Variants in SGCD observed in about 807,000 individuals in gnomAD.
SGCD encodes the protein delta-sarcoglycan.
Under a neutral mutation model 36.6 loss-of-function variants are expected in SGCD, and 18 were observed. The observed-to-expected ratio is 0.49, with a 90% CI of 0.34 to 0.73. The LOEUF (loss-of-function observed/expected upper bound fraction) is 0.73, where lower values mean the gene tolerates loss of function less well. Among genes scored for constraint, SGCD ranks in the 30% least tolerant of loss-of-function variants. SGCD has a pLI of 0.01. For missense variants in SGCD, 387 were observed against 346.7 expected, an observed-to-expected ratio of 1.12 and a Z score of -0.92; for synonymous variants, 133 against 130.6, an observed-to-expected ratio of 1.02 and a Z score of -0.12.
chr5:155,849,422 C>T, the SGCD span, among the ~76,000 whole-genome samples: 1 of 150,696 alleles, frequency 6.6e-6, no homozygotes, highest in African/African-American at 2.4e-5. Flanking sequence ...CCACCCCCCT[C>T]CACACACACA....
intron 3 of SGCD, among the ~76,000 whole-genome samples, chr5:156,488,606 CTG>C (rs1755808431): frequency 6.6e-6 from 1 of 152,060 alleles, no homozygotes; most frequent in African/African-American, 2.4e-5. Flanking sequence ...AAAGCAAAAA[CTG>C]AGGAAATTCA....
chr5:156,407,129 C>T (rs1385741025), intron 3 of SGCD, among the ~76,000 whole-genome samples: 1 of 152,044 alleles, frequency 6.6e-6, no homozygotes, highest in African/African-American at 2.4e-5. Flanking sequence ...CCTTCCCCAG[C>T]CCACTGACTC....
At chr5:156,594,874 T>C in intron 5 of SGCD, 58 bp from the exon 6 acceptor site, 1 of 1,175,430 alleles carries the variant, frequency 8.5e-7, no homozygotes, top group Non-Finnish European at 1.2e-6. Context: ...CTAATGGTGT[T>C]TTCTCTCTCT....
At chr5:156,636,491 A>G (rs188854613) in intron 6 of SGCD, among the ~76,000 whole-genome samples, 43 of 152,314 alleles carry the variant, frequency 2.8e-4, no homozygotes, top group Non-Finnish European at 5.3e-4. Context: ...AATAAAATAC[A>G]TGCTCATCCA....
At chr5:155,815,297 T>C in the SGCD span, among the ~76,000 whole-genome samples, 3 of 152,324 alleles carry the variant, frequency 2.0e-5, no homozygotes, top group Non-Finnish European at 4.4e-5. Flanking sequence ...TCAAAATCTA[T>C]GAAGTTTGAC....
intron 1 of SGCD, among the ~76,000 whole-genome samples, chr5:155,984,393 T>G (rs987698627): frequency 6.6e-6 from 1 of 152,312 alleles, no homozygotes; most frequent in Non-Finnish European, 1.5e-5. Flanking sequence ...CTTTGTTTCG[T>G]AAGCCTTGGA....
intron 3 of SGCD, among the ~76,000 whole-genome samples, chr5:156,161,456 A>G (rs1763085703): frequency 6.6e-6 from 1 of 151,844 alleles, no homozygotes; most frequent in Non-Finnish European, 1.5e-5. Context: ...ACTAAGAACT[A>G]TATGTTTGCC....
intron 7 of SGCD, among the ~76,000 whole-genome samples, chr5:156,711,263 G>A (rs1581441228): frequency 1.3e-5 from 2 of 152,168 alleles, no homozygotes; most frequent in East Asian, 3.9e-4. Context: ...GTGCTTTACA[G>A]TGTTTTCCCC....
chr5:155,908,705 G>A (rs1448384819), intron 1 of SGCD, among the ~76,000 whole-genome samples: 3 of 152,076 alleles, frequency 2.0e-5, no homozygotes, highest in Non-Finnish European at 4.4e-5. Context: ...CTGTAACTCC[G>A]TATTGACAAG....
At chr5:156,155,716 T>C (rs1762942164) in intron 3 of SGCD, among the ~76,000 whole-genome samples, 1 of 151,400 alleles carries the variant, frequency 6.6e-6, no homozygotes, top group African/African-American at 2.5e-5. Flanking sequence ...GGGCAGCTGA[T>C]AGAGCCAAGT....
chr5:156,231,494 C>G (rs1027322382), intron 3 of SGCD, among the ~76,000 whole-genome samples: 4 of 152,052 alleles, frequency 2.6e-5, no homozygotes, highest in African/African-American at 9.7e-5. Flanking sequence ...TGAGATCGCC[C>G]CACTGCACTC....
intron 4 of SGCD, among the ~76,000 whole-genome samples, chr5:156,510,819 A>G (rs565782594): frequency 3.9e-5 from 6 of 152,350 alleles, no homozygotes; most frequent in Admixed American, 3.3e-4. Context: ...TGAGTAAAAC[A>G]TCCTGAAATA....
chr5:155,842,675 G>A, the SGCD span, among the ~76,000 whole-genome samples: 1 of 152,084 alleles, frequency 6.6e-6, no homozygotes, highest in East Asian at 1.9e-4. Context: ...GTTCTGATGA[G>A]CAGCTGTATT....
At chr5:156,541,261 G>A (rs253598) in intron 4 of SGCD, among the ~76,000 whole-genome samples, 72,315 of 151,986 alleles carry the variant, frequency 0.48, 17,564 homozygotes, top group African/African-American at 0.53. Flanking sequence ...TTTGCCCTAA[G>A]TCAGCTAAAA....
chr5:156,094,365 T>A (rs12152972), intron 1 of SGCD, among the ~76,000 whole-genome samples: 2 of 152,040 alleles, frequency 1.3e-5, no homozygotes, highest in African/African-American at 2.4e-5. Flanking sequence ...TACAACTATC[T>A]GGAAGAATTT....
intron 1 of SGCD, among the ~76,000 whole-genome samples, chr5:156,084,506 C>T (rs1407621279): frequency 6.6e-6 from 1 of 152,190 alleles, no homozygotes; most frequent in Admixed American, 6.5e-5. Flanking sequence ...CATAAGAGAT[C>T]AGGCATGTTC....
the SGCD span, among the ~76,000 whole-genome samples, chr5:155,786,023 C>G: frequency 6.6e-6 from 1 of 152,138 alleles, no homozygotes; most frequent in African/African-American, 2.4e-5. Flanking sequence ...TCATTCATGA[C>G]AACATCTGTT....
chr5:156,405,284 C>T (rs562236265), intron 3 of SGCD, among the ~76,000 whole-genome samples: 25 of 152,228 alleles, frequency 1.6e-4, no homozygotes, highest in African/African-American at 5.3e-4. Context: ...AGAAACCAGG[C>T]GATGACAAAT....
intron 1 of SGCD, among the ~76,000 whole-genome samples, chr5:155,979,571 C>T (rs1040040190): frequency 2.0e-5 from 3 of 152,184 alleles, no homozygotes; most frequent in African/African-American, 7.2e-5. Context: ...GTTTCAAAGG[C>T]TCCTCTGTCA....
Sources: allele counts gnomAD v4.1 joint callset (sites outside exome capture counted in the v4.1 genomes callset), GRCh38; gene constraint gnomAD v4.1.1; transcripts MANE v1.5; gene names NCBI Gene and HGNC (gene_info 2026-07-23, HGNC 2026-07-21).